Variants in GALNTL6 observed in about 807,000 individuals in gnomAD.
The protein encoded by GALNTL6 is polypeptide N-acetylgalactosaminyltransferase like 6, also known as polypeptide N-acetylgalactosaminyltransferase-like 6.
Under a neutral mutation model 73.7 loss-of-function variants are expected in GALNTL6, and 46 were observed. That is an observed-to-expected ratio of 0.62 (90% CI 0.49 to 0.80). The LOEUF is 0.80. GALNTL6 is among the 30% of genes least tolerant of loss of function. GALNTL6 has a pLI of 0.00. For missense variants in GALNTL6, 604 were observed against 755.0 expected, an observed-to-expected ratio of 0.80 and a Z score of 2.34; for synonymous variants, 259 against 263.7, an observed-to-expected ratio of 0.98 and a Z score of 0.17.
At chr4:172,702,672 T>C (rs1734094206) in intron 5 of GALNTL6, among the ~76,000 whole-genome samples, 1 of 151,978 alleles carries the variant, frequency 6.6e-6, no homozygotes, top group African/African-American at 2.4e-5. Flanking sequence ...CCTCCCTCCA[T>C]GTGAGGACAG....
At chr4:172,201,293 G>A (rs1303278602) in intron 2 of GALNTL6, among the ~76,000 whole-genome samples, 2 of 151,514 alleles carry the variant, frequency 1.3e-5, no homozygotes, top group African/African-American at 4.8e-5. Flanking sequence ...TGCAACCTCC[G>A]CCTCTGGGAT....
intron 2 of GALNTL6, among the ~76,000 whole-genome samples, chr4:172,033,914 C>T (rs1016596523): frequency 3.9e-5 from 6 of 152,098 alleles, no homozygotes; most frequent in African/African-American, 1.2e-4. Flanking sequence ...CTGTGTATAT[C>T]CTAATAACAC....
intron 5 of GALNTL6, among the ~76,000 whole-genome samples, chr4:172,786,932 T>C (rs1188596619): frequency 1.3e-5 from 2 of 152,212 alleles, no homozygotes; most frequent in Non-Finnish European, 2.9e-5. Context: ...AGATACAGTT[T>C]GAATTGTTCC....
chr4:172,084,516 T>A (rs1352914767), intron 2 of GALNTL6, among the ~76,000 whole-genome samples: 1 of 152,154 alleles, frequency 6.6e-6, no homozygotes. Flanking sequence ...AACATTAATA[T>A]TTGTACAGTG....
chr4:172,739,012 T>C (rs887693588), intron 5 of GALNTL6, among the ~76,000 whole-genome samples: 3 of 152,144 alleles, frequency 2.0e-5, no homozygotes, highest in Admixed American at 1.3e-4. Context: ...GGAGAATAAA[T>C]TGTAAATGTT....
chr4:172,521,164 A>T (rs569858130), intron 5 of GALNTL6, among the ~76,000 whole-genome samples: 4 of 152,256 alleles, frequency 2.6e-5, no homozygotes, highest in Admixed American at 2.6e-4. Flanking sequence ...ACTGGAGTAT[A>T]AATAGGTTGC....
intron 5 of GALNTL6, among the ~76,000 whole-genome samples, chr4:172,442,739 T>C (rs972641462): frequency 6.6e-6 from 1 of 152,184 alleles, no homozygotes; most frequent in Non-Finnish European, 1.5e-5. Context: ...AGTTAAGCAC[T>C]GCACTTGTTA....
At chr4:172,239,316 G>A (rs568716936) in intron 3 of GALNTL6, among the ~76,000 whole-genome samples, 1 of 152,162 alleles carries the variant, frequency 6.6e-6, no homozygotes, top group East Asian at 1.9e-4. Context: ...TCCTGGTTCA[G>A]TTTTAATAGG....
chr4:172,130,454 A>G (rs903360112), intron 2 of GALNTL6, among the ~76,000 whole-genome samples: 2 of 152,042 alleles, frequency 1.3e-5, no homozygotes, highest in Non-Finnish European at 2.9e-5. Context: ...CACTGAAAAA[A>G]ATTGTAAGTG....
At chr4:172,903,051 C>G (rs552772479) in intron 8 of GALNTL6, among the ~76,000 whole-genome samples, 17 of 152,236 alleles carry the variant, frequency 1.1e-4, no homozygotes, top group Admixed American at 3.9e-4. Flanking sequence ...TTTTCAATAG[C>G]CTTACCTTGT....
intron 5 of GALNTL6, among the ~76,000 whole-genome samples, chr4:172,493,326 A>G (rs529193998): frequency 2.0e-4 from 30 of 152,298 alleles, no homozygotes; most frequent in African/African-American, 6.7e-4. Context: ...AGAAAGAGCA[A>G]TTTTAAAAGT....
At chr4:172,952,774 C>G (rs1050595994) in intron 10 of GALNTL6, among the ~76,000 whole-genome samples, 6 of 152,152 alleles carry the variant, frequency 3.9e-5, no homozygotes, top group Non-Finnish European at 7.3e-5. Context: ...CCTTGGCCTC[C>G]CAAAGTTTTG....
chr4:171,967,467 T>G (rs1424974921), intron 2 of GALNTL6, among the ~76,000 whole-genome samples: 5 of 150,686 alleles, frequency 3.3e-5, no homozygotes, highest in Admixed American at 6.6e-5. Context: ...TTTTTTTTTG[T>G]AGATGTAGTT....
chr4:172,356,559 C>A (rs1742169777), intron 5 of GALNTL6, among the ~76,000 whole-genome samples: 1 of 152,162 alleles, frequency 6.6e-6, no homozygotes, highest in Non-Finnish European at 1.5e-5. Context: ...CAAGATTTTT[C>A]TTAAGCTGAC....
At chr4:172,476,698 G>C (rs1484995995) in intron 5 of GALNTL6, among the ~76,000 whole-genome samples, 2 of 152,032 alleles carry the variant, frequency 1.3e-5, no homozygotes, top group Non-Finnish European at 2.9e-5. Flanking sequence ...ATAAAAACTG[G>C]AGAGGTATTT....
At chr4:172,784,225 A>G (rs1361537567) in intron 5 of GALNTL6, among the ~76,000 whole-genome samples, 1 of 152,018 alleles carries the variant, frequency 6.6e-6, no homozygotes, top group African/African-American at 2.4e-5. Flanking sequence ...GATTTTTTTT[A>G]AATTAAAACT....
intron 2 of GALNTL6, among the ~76,000 whole-genome samples, chr4:171,929,577 T>C (rs900514429): frequency 2.0e-5 from 3 of 152,188 alleles, no homozygotes; most frequent in Non-Finnish European, 2.9e-5. Context: ...CACATGGACC[T>C]GCACAACGGC....
At chr4:171,940,054 A>G (rs1401323663) in intron 2 of GALNTL6, among the ~76,000 whole-genome samples, 1 of 152,158 alleles carries the variant, frequency 6.6e-6, no homozygotes. Flanking sequence ...CTTTACTTGT[A>G]TGAATGACTG....
At chr4:172,483,444 G>A (rs2111487545) in intron 5 of GALNTL6, among the ~76,000 whole-genome samples, 1 of 152,224 alleles carries the variant, frequency 6.6e-6, no homozygotes, top group East Asian at 1.9e-4. Flanking sequence ...AAGCAAATCT[G>A]GACACGTATA....
Sources: gnomAD v4.1 joint callset for allele counts (sites outside exome capture counted in the v4.1 genomes callset) on GRCh38, gnomAD v4.1.1 for gene constraint, MANE v1.5 for transcripts, NCBI Gene and HGNC (gene_info 2026-07-23, HGNC 2026-07-21) for gene names.